Variants in TBC1D1 observed in about 807,000 individuals in gnomAD.
The protein encoded by TBC1D1 is TBC1 (tre-2/USP6, BUB2, cdc16) domain family, member 1.
Under a neutral mutation model 125.6 loss-of-function variants are expected in TBC1D1, and 89 were observed. The ratio of observed to expected loss-of-function variants is 0.71; its 90% CI spans 0.60 to 0.85. TBC1D1 has a LOEUF of 0.85. TBC1D1 is among the 40% of genes least tolerant of loss of function. The probability of loss-of-function intolerance (pLI) is 0.00; values close to 1 mark genes in which losing one functional copy is unlikely to be tolerated. For missense variants in TBC1D1, 1,377 were observed against 1,469.2 expected (o/e 0.94, Z 1.03); for synonymous variants, 565 against 564.1 (o/e 1.00, Z -0.02).
At chr4:38,088,658 G>A (rs1757938896) in intron 12 of TBC1D1, among the ~76,000 whole-genome samples, 1 of 151,786 alleles carries the variant, frequency 6.6e-6, no homozygotes, top group Admixed American at 6.6e-5. Flanking sequence ...TTTTTATTGT[G>A]TTCTTACTCT....
At chr4:38,035,973 A>G (rs1747131227) in intron 8 of TBC1D1, among the ~76,000 whole-genome samples, 1 of 152,206 alleles carries the variant, frequency 6.6e-6, no homozygotes, top group African/African-American at 2.4e-5. Context: ...AGTGGATGCC[A>G]CCAAGATGAG....
At chr4:38,005,369 C>T (rs1403248755) in intron 2 of TBC1D1, among the ~76,000 whole-genome samples, 1 of 152,142 alleles carries the variant, frequency 6.6e-6, no homozygotes, top group Admixed American at 6.6e-5. Context: ...CTGTCTGGGG[C>T]TAGTTCTACC....
chr4:37,962,607 A>G (rs1475491531), intron 2 of TBC1D1, among the ~76,000 whole-genome samples: 1 of 152,240 alleles, frequency 6.6e-6, no homozygotes, highest in Non-Finnish European at 1.5e-5. Context: ...CTCAATAAAT[A>G]TTTGTTAGAT....
Position 37,902,101 on chromosome 4 carries a change from A to G in TBC1D1, c.6A>G (p.Glu2=), listed in dbSNP as rs1716164333. The G allele has an allele frequency of 1.3e-6, 2 of 1,597,432 alleles. No homozygotes were observed. Among genetic ancestry groups the G allele is most frequent in the African/African-American group, 1.4e-5 (1 of 73,802 alleles). The change falls in exon 2 of 20, where the codon GAA becomes GAG. Residue 2 remains glutamate (E), a synonymous_variant. Coordinates refer to ENST00000261439, the MANE Select transcript of TBC1D1 (RefSeq NM_015173.4). ...GTTCCCAGACCCTTCCCAAGATGGAACCAATAACATTCACAGCAAGGAAAC... is the reference window on the plus strand; with the variant it reads ...GTTCCCAGACCCTTCCCAAGATGGAGCCAATAACATTCACAGCAAGGAAAC...
intron 2 of TBC1D1, among the ~76,000 whole-genome samples, chr4:37,999,108 G>T (rs572224207): frequency 6.6e-6 from 1 of 152,278 alleles, no homozygotes; most frequent in South Asian, 2.1e-4. Context: ...AATTAGTCGG[G>T]TGTGGTGGTG....
Position 38,049,987 on chromosome 4 carries a change from A to G in TBC1D1, c.1910+89A>G, listed in dbSNP as rs1188789290. On this transcript the variant is annotated intron_variant, in intron 11 of 19. Transcript: ENST00000261439. ...GCATCCCAGGTATGTTTATTGAGTG[A>G]GAGAAATGAGTCAGGCTTTACTCTT... The G allele has an allele frequency of 2.2e-6, 3 of 1,390,460 alleles. No individual in the cohort carries two copies. In the African/African-American group the frequency reaches 4.3e-5, roughly 20 times the overall value. The allele number at this position is 1,390,460 out of a possible 1,614,324, so 86.1% of individuals were successfully genotyped here. A position where few individuals can be genotyped will look rare whatever the true frequency, so the allele number is the denominator to read the frequency against.
chr4:38,073,352 T>C (rs747815408), intron 12 of TBC1D1, among the ~76,000 whole-genome samples: 2 of 152,226 alleles, frequency 1.3e-5, no homozygotes, highest in Non-Finnish European at 2.9e-5. Flanking sequence ...GGCCTGGATG[T>C]TTAGAACAGT....
intron 12 of TBC1D1, among the ~76,000 whole-genome samples, chr4:38,068,610 A>T (rs116706375): frequency 1.3e-5 from 2 of 152,126 alleles, no homozygotes; most frequent in African/African-American, 4.8e-5. Flanking sequence ...CATCTGTGCT[A>T]TCCTGTACAG....
intron 15 of TBC1D1, among the ~76,000 whole-genome samples, chr4:38,115,058 A>C (rs1446756504): frequency 6.6e-6 from 1 of 151,152 alleles, no homozygotes; most frequent in Non-Finnish European, 1.5e-5. Flanking sequence ...TCCTCTTGAG[A>C]ATAGGGGTTA....
At chr4:37,898,912 C>T (rs1013580582) in intron 1 of TBC1D1, among the ~76,000 whole-genome samples, 10 of 152,126 alleles carry the variant, frequency 6.6e-5, no homozygotes, top group African/African-American at 2.4e-4. Context: ...TCTTCAGAGC[C>T]TTTAAAAGGT....
At position 37,995,615 on chromosome 4, in the gene TBC1D1, C is replaced by G. The variant is rs986531827; in HGVS notation, c.418-18894C>G. The G allele has an allele frequency of 2.0e-6, 1 of 489,930 alleles. No individual in the cohort carries two copies. Among genetic ancestry groups the G allele is most frequent in the African/African-American group, 2.0e-5 (1 of 51,092 alleles). 30.3% of individuals were successfully genotyped at this position (489,930 alleles called of 1,614,324 possible). On this transcript the variant is annotated intron_variant, in intron 2 of 19. Coordinates refer to ENST00000261439, the MANE Select transcript of TBC1D1 (RefSeq NM_015173.4). The surrounding 1 kb of genome is among the most constrained non-coding windows in gnomAD (Gnocchi z 4.3). ...TCCAGTACCCTGGCCTTGACCTCCC[C>G]ATAGGCTGTCTTATCTCACTTTTGC...
At chr4:37,961,631 T>C (rs1162495468) in intron 2 of TBC1D1, among the ~76,000 whole-genome samples, 3 of 152,232 alleles carry the variant, frequency 2.0e-5, no homozygotes, top group Non-Finnish European at 2.9e-5. Context: ...GGGTTTCCTC[T>C]CTGGTTCCTG....
At chr4:38,051,919 G>A (rs1156882264) in intron 11 of TBC1D1, 1 of 1,550,396 alleles carries the variant, frequency 6.4e-7, no homozygotes. Flanking sequence ...TCACCTGTGG[G>A]TGAGTCTAAG....
intron 2 of TBC1D1, among the ~76,000 whole-genome samples, chr4:37,969,385 C>T (rs1301658952): frequency 1.3e-5 from 2 of 152,210 alleles, no homozygotes; most frequent in Non-Finnish European, 2.9e-5. Context: ...TCTTGTCGCC[C>T]AGTCTGGAGT....
intron 18 of TBC1D1, among the ~76,000 whole-genome samples, chr4:38,127,669 C>T (rs11943902): frequency 0.012 from 1,876 of 152,250 alleles, 44 homozygotes; most frequent in African/African-American, 0.043. Context: ...CATGCATGAG[C>T]CACTGTGCCC....
rs770067360 is a variant in TBC1D1, at chr4:38,049,911, T to G, written c.1910+13T>G. The G allele has an allele frequency of 6.2e-7, 1 of 1,602,614 alleles. No individual in the cohort carries two copies. Among genetic ancestry groups the G allele is most frequent in the Non-Finnish European group, 8.5e-7 (1 of 1,173,308 alleles). ...CTCATGAACGAAAGTAAGATTTGTT[T>G]AAATTTGTTGCATAAATAGCTGGGG... On this transcript the variant is annotated intron_variant, in intron 11 of 19. Coordinates refer to ENST00000261439, the MANE Select transcript of TBC1D1 (RefSeq NM_015173.4).
intron 2 of TBC1D1, among the ~76,000 whole-genome samples, chr4:37,949,882 A>T (rs1390411629): frequency 6.6e-6 from 1 of 152,150 alleles, no homozygotes; most frequent in Non-Finnish European, 1.5e-5. Context: ...TGACCTGCTG[A>T]CTGTAGTTTG....
intron 2 of TBC1D1, among the ~76,000 whole-genome samples, chr4:37,933,489 A>G (rs537348106): frequency 3.9e-5 from 6 of 152,094 alleles, no homozygotes; most frequent in Admixed American, 6.6e-5. Flanking sequence ...TAATAAAAAA[A>G]TAAAGGCTCT....
At chr4:37,923,916 C>G (rs182288925) in intron 2 of TBC1D1, among the ~76,000 whole-genome samples, 1 of 152,214 alleles carries the variant, frequency 6.6e-6, no homozygotes, top group Non-Finnish European at 1.5e-5. Flanking sequence ...CTGACATCAG[C>G]TGATCCACCC....
Sources: gnomAD v4.1 joint callset for allele counts (sites outside exome capture counted in the v4.1 genomes callset) on GRCh38, gnomAD v4.1.1 for gene constraint, Gnocchi (gnomAD v3.1) non-coding constraint, MANE v1.5 for transcripts, NCBI Gene and HGNC (gene_info 2026-07-23, HGNC 2026-07-21) for gene names.